Variants in SBF2 observed in about 807,000 individuals in gnomAD.
The protein encoded by SBF2 is myotubularin-related protein 13.
SBF2 carries 112 observed loss-of-function variants against 225.2 expected under a neutral mutation model. The observed-to-expected ratio is 0.50, with a 90% CI of 0.43 to 0.58. The LOEUF (loss-of-function observed/expected upper bound fraction) is 0.58, where lower values mean the gene tolerates loss of function less well. Ranked by LOEUF, SBF2 falls within the 20% of genes least tolerant of loss-of-function variation. SBF2 has a pLI of 0.00. For missense variants in SBF2, 1,996 were observed against 2,206.2 expected (o/e 0.90, Z 1.91); for synonymous variants, 763 against 773.3 (o/e 0.99, Z 0.22).
intron 1 of SBF2, among the ~76,000 whole-genome samples, chr11:10,195,560 T>C (rs986296075): frequency 1.3e-5 from 2 of 152,242 alleles, no homozygotes; most frequent in African/African-American, 4.8e-5. Flanking sequence ...CACAACGAAT[T>C]CATTTTGTTA....
chr11:9,881,809 C>T (rs1456475461), intron 17 of SBF2, among the ~76,000 whole-genome samples: 1 of 151,756 alleles, frequency 6.6e-6, no homozygotes, highest in Non-Finnish European at 1.5e-5. Flanking sequence ...ATAGCAAAAC[C>T]CCATCTCTAA....
intron 2 of SBF2, among the ~76,000 whole-genome samples, chr11:10,145,389 T>G (rs1439230032): frequency 6.6e-6 from 1 of 152,168 alleles, no homozygotes. Context: ...TCATTATTTA[T>G]GACCCAGCCT....
chr11:9,945,391 C>A (rs989340964), intron 16 of SBF2, among the ~76,000 whole-genome samples: 1 of 152,122 alleles, frequency 6.6e-6, no homozygotes, highest in Non-Finnish European at 1.5e-5. Context: ...ACTGGCTAGC[C>A]ATTTGCAGAA....
intron 2 of SBF2, among the ~76,000 whole-genome samples, chr11:10,073,660 T>C (rs949802020): frequency 1.2e-4 from 19 of 152,224 alleles, no homozygotes; most frequent in African/African-American, 4.1e-4. Context: ...GAGGTTGCAG[T>C]GAGCCAAGAT....
chr11:10,234,448 T>C (rs1021348326), intron 1 of SBF2, among the ~76,000 whole-genome samples: 1 of 152,330 alleles, frequency 6.6e-6, no homozygotes, highest in South Asian at 2.1e-4. Flanking sequence ...TTTATAACCA[T>C]ATCAATTTTT....
At chr11:10,104,940 C>T (rs1848810609) in intron 2 of SBF2, among the ~76,000 whole-genome samples, 1 of 152,114 alleles carries the variant, frequency 6.6e-6, no homozygotes, top group African/African-American at 2.4e-5. Context: ...GGAATAAAGT[C>T]CACTTGGTCA....
In SBF2 at chr11:10,125,108, C is replaced by CAAA. The variant is rs374673085; in HGVS notation, c.141+68791_141+68793dup. On this transcript the variant is annotated intron_variant, in intron 2 of 39. Transcript: ENST00000256190. The stretch of plus-strand genomic sequence containing the variant: ...GGGTGACAAGAGAGAGACTGTGTCT[C>CAAA]AAAAAAAAAAAAAAAAAAATTCTAC... 1.7e-3 allele frequency among the ~76,000 whole-genome samples: 171 copies of CAAA among 102,402 alleles called. 4 individuals carry two copies. The highest frequency in any genetic ancestry group is 5.3e-3 in the South Asian group (16 of 3,040). The allele number at this position is 102,402 out of a possible 152,430, so 67.2% of individuals were successfully genotyped here.
At chr11:10,074,021 T>C (rs1950997127) in intron 2 of SBF2, among the ~76,000 whole-genome samples, 1 of 152,212 alleles carries the variant, frequency 6.6e-6, no homozygotes, top group South Asian at 2.1e-4. Flanking sequence ...TATCATTTTA[T>C]AGGTGAAAAT....
chr11:9,873,205 CAAAAAAAAAAAA>C (rs56013344), intron 17 of SBF2, among the ~76,000 whole-genome samples: 2 of 60,648 alleles, frequency 3.3e-5, no homozygotes, highest in African/African-American at 7.5e-5. Context: ...GACTCTGTCT[CAAAAAAAAAAAA>C]AAAAAAAAAA....
intron 16 of SBF2, among the ~76,000 whole-genome samples, chr11:9,898,797 A>C (rs1861481425): frequency 6.6e-6 from 1 of 152,246 alleles, no homozygotes. Flanking sequence ...TGCTAAAAAT[A>C]ATATTTTAAC....
intron 17 of SBF2, 112 bp downstream of exon 17, chr11:9,895,831 A>G: frequency 1.3e-6 from 1 of 798,176 alleles, no homozygotes; most frequent in Non-Finnish European, 2.2e-6. Flanking sequence ...CCGCAGATAT[A>G]TCTTAGGCAT....
intron 2 of SBF2, among the ~76,000 whole-genome samples, chr11:10,128,676 A>T (rs980286471): frequency 3.9e-5 from 6 of 152,224 alleles, no homozygotes; most frequent in Non-Finnish European, 7.3e-5. Context: ...TCAAGGTCCT[A>T]AAGAAAATAC....
At chr11:10,191,645 T>C (rs1957176223) in intron 2 of SBF2, among the ~76,000 whole-genome samples, 1 of 152,216 alleles carries the variant, frequency 6.6e-6, no homozygotes, top group Non-Finnish European at 1.5e-5. Flanking sequence ...AGGAAAATCT[T>C]AGGGAGGAAA....
chr11:9,789,439 G>A (rs1187780534), intron 34 of SBF2, 97 bp from the exon 35 acceptor site: 2 of 801,390 alleles, frequency 2.5e-6, no homozygotes, highest in Non-Finnish European at 4.3e-6. Context: ...TCCAGGGGAG[G>A]AAGAGTATGA....
chr11:10,156,127 T>C (rs1016220416), intron 2 of SBF2, among the ~76,000 whole-genome samples: 1 of 152,308 alleles, frequency 6.6e-6, no homozygotes, highest in East Asian at 1.9e-4. Flanking sequence ...CCTGCTCCTG[T>C]TCCCTGGCCT....
chr11:10,181,337 T>C (rs896632913), intron 2 of SBF2, among the ~76,000 whole-genome samples: 1 of 152,116 alleles, frequency 6.6e-6, no homozygotes, highest in Non-Finnish European at 1.5e-5. Context: ...CTAATTTTTT[T>C]AATGAATGAA....
intron 13 of SBF2, among the ~76,000 whole-genome samples, chr11:9,988,115 T>C (rs961722998): frequency 3.3e-5 from 5 of 152,294 alleles, no homozygotes; most frequent in South Asian, 4.1e-4. Context: ...CCTAAATACT[T>C]ACAGCCAACT....
intron 16 of SBF2, among the ~76,000 whole-genome samples, chr11:9,901,731 ACCT>A (rs1447327429): frequency 6.6e-6 from 1 of 151,954 alleles, no homozygotes; most frequent in African/African-American, 2.4e-5. Context: ...TGCAGCTGCG[ACCT>A]CCTGGGCTCA....
intron 2 of SBF2, among the ~76,000 whole-genome samples, chr11:10,118,063 C>T (rs1953247270): frequency 6.6e-6 from 1 of 152,112 alleles, no homozygotes; most frequent in Admixed American, 6.6e-5. Flanking sequence ...GTTAAAGAAA[C>T]AAACAAAGCC....
Sources: gnomAD v4.1 joint callset for allele counts (sites outside exome capture counted in the v4.1 genomes callset) on GRCh38, gnomAD v4.1.1 for gene constraint, MANE v1.5 for transcripts, NCBI Gene and HGNC (gene_info 2026-07-23, HGNC 2026-07-21) for gene names.